Variants in RAB2B observed in about 807,000 individuals in gnomAD.
RAB2B encodes the protein RAB2B, member RAS oncogene family.
A neutral mutation model predicts 29.8 loss-of-function variants in RAB2B; 20 were observed. The observed-to-expected ratio is 0.67, with a 90% CI of 0.47 to 0.97. The LOEUF is 0.97. Among genes scored for constraint, RAB2B ranks in the 50% least tolerant of loss-of-function variants. RAB2B has a pLI of 0.00. For synonymous variants in RAB2B, 93 were observed against 91.7 expected (o/e 1.01, Z -0.08); for missense variants, 218 against 272.0 (o/e 0.80, Z 1.40).
chr14:21,468,665 C>A lies in RAB2B; in HGVS notation c.269+5G>T. ...TCTCCCTCCCATGCACCAGATCTGG[C>A]TCACCTTGTAATGTCGTACACCAGC... On this transcript the variant is annotated splice_donor_5th_base_variant and intron_variant, in intron 4 of 7. Transcript: ENST00000397762. The A allele has an allele frequency of 6.4e-7, 1 of 1,554,096 alleles. No homozygotes were observed. The highest frequency in any genetic ancestry group is 8.7e-7 in the Non-Finnish European group (1 of 1,154,892).
chr14:21,466,984 G>T (rs1890701248), intron 5 of RAB2B, among the ~76,000 whole-genome samples: 1 of 151,548 alleles, frequency 6.6e-6, no homozygotes, highest in Non-Finnish European at 1.5e-5. Flanking sequence ...TCAGCTCACT[G>T]CAACCTCCGC....
chr14:21,476,410 G>C, intron 2 of RAB2B, 118 bp downstream of exon 2: 1 of 1,098,008 alleles, frequency 9.1e-7, no homozygotes, highest in Non-Finnish European at 1.4e-6. Context: ...GTTTGGACTA[G>C]TTTAAAGTAG....
Position 21,460,586 on chromosome 14 carries a change from C to CCA in RAB2B, c.*609_*610insTG, listed in dbSNP as rs1555322039. On this transcript the variant is annotated 3_prime_UTR_variant, in exon 8 of 8. Transcript: ENST00000397762. ...GAGACAGAGTGAGACTCCATCCCCCCAAAAAAAAAAAAAAAAAAAGAAAAA... is the reference window on the plus strand; with the variant it reads ...GAGACAGAGTGAGACTCCATCCCCCCCAAAAAAAAAAAAAAAAAAAAGAAAAA... The CCA allele has an allele frequency of 8.3e-6, 1 of 119,958 alleles. No homozygotes were observed. Among genetic ancestry groups the CCA allele is most frequent in the African/African-American group, 3.4e-5 (1 of 29,850 alleles). 7.4% of individuals were successfully genotyped at this position (119,958 alleles called of 1,614,324 possible).
Position 21,465,561 on chromosome 14 carries a change from T to C in RAB2B, c.363-1794A>G, listed in dbSNP as rs149890912. 2.4e-4 allele frequency among the ~76,000 whole-genome samples: 36 copies of C among 152,352 alleles called. No homozygotes were observed. The South Asian group carries it at 5.0e-3, about 21-fold the overall frequency. ...CTACCATTCTTTCTCATGTGGACTATTGCAACTGGGATACTACTTCAGTCC... is the reference window on the plus strand; with the variant it reads ...CTACCATTCTTTCTCATGTGGACTACTGCAACTGGGATACTACTTCAGTCC... On this transcript the variant is annotated intron_variant, in intron 5 of 7. Transcript: ENST00000397762.
chr14:21,472,573 T>C (rs1890844934), intron 3 of RAB2B, among the ~76,000 whole-genome samples: 1 of 152,092 alleles, frequency 6.6e-6, no homozygotes, highest in African/African-American at 2.4e-5. Flanking sequence ...TCAAAATATA[T>C]AGAAAACCAC....
rs967715152 is a variant in RAB2B, at chr14:21,461,091, C to G, written c.*105G>C. 3.6e-6 allele frequency: 3 copies of G among 822,316 alleles called. No individual in the cohort carries two copies. In the African/African-American group the frequency reaches 5.2e-5, roughly 14 times the overall value. The allele number at this position is 822,316 out of a possible 1,614,324, so 50.9% of individuals were successfully genotyped here. A position where few individuals can be genotyped will look rare whatever the true frequency, so the allele number is the denominator to read the frequency against. On this transcript the variant is annotated 3_prime_UTR_variant, in exon 8 of 8. Transcript: ENST00000397762. ...TTAGGTGGAAAGGCAAAACATCACA[C>G]TTTAAAAAGAGGCTGCTCTCAGCCA...
intron 3 of RAB2B, among the ~76,000 whole-genome samples, chr14:21,472,354 CT>C (rs1470380054): frequency 6.6e-6 from 1 of 152,164 alleles, no homozygotes; most frequent in Non-Finnish European, 1.5e-5. Flanking sequence ...AACCTGATCT[CT>C]TTAAAATACC....
chr14:21,466,421 A>G (rs1266814467), intron 5 of RAB2B, among the ~76,000 whole-genome samples: 1 of 152,236 alleles, frequency 6.6e-6, no homozygotes, highest in Non-Finnish European at 1.5e-5. Flanking sequence ...CAGGAGGTGG[A>G]GGTTGCAGTA....
At position 21,463,144 on chromosome 14, in the gene RAB2B, A is replaced by G. The variant is rs183157581; in HGVS notation, c.474+512T>C. 9.2e-5 allele frequency among the ~76,000 whole-genome samples: 14 copies of G among 152,238 alleles called. No homozygotes were observed. In the East Asian group the frequency reaches 1.9e-3, roughly 21 times the overall value. ...TAATCCACACTTGCCAACTAATGTT[A>G]CCCAAAGCAAAAGTAAAACCTTGGG... On this transcript the variant is annotated intron_variant, in intron 6 of 7. Transcript: ENST00000397762.
At chr14:21,474,958 G>A (rs1220600204) in intron 2 of RAB2B, 24 bp from the exon 3 acceptor site, 10 of 1,606,628 alleles carry the variant, frequency 6.2e-6, no homozygotes, top group East Asian at 4.5e-5. Context: ...CCGAGAGAAA[G>A]AATGTGATTC....
rs75280461 is a variant in RAB2B, at chr14:21,467,565, T to A, written c.362+792A>T. Among the ~76,000 whole-genome samples, 319 of 152,348 alleles carry A rather than the reference T, an allele frequency of 2.1e-3. 9 individuals are homozygous for A. In the East Asian group the frequency reaches 0.048, roughly 23 times the overall value. Reference sequence around the variant, plus strand: ...ATGGGTGTCAAAAAAAATTTACTGATAATAACCAGTGTTGTTAAGGATGTA... The same window carrying A: ...ATGGGTGTCAAAAAAAATTTACTGAAAATAACCAGTGTTGTTAAGGATGTA... On this transcript the variant is annotated intron_variant, in intron 5 of 7. Coordinates refer to ENST00000397762, the MANE Select transcript of RAB2B (RefSeq NM_032846.4).
chr14:21,469,292 A>G (rs1009216972), intron 3 of RAB2B, among the ~76,000 whole-genome samples: 10 of 152,184 alleles, frequency 6.6e-5, no homozygotes, highest in African/African-American at 2.4e-4. Flanking sequence ...TCAATATAAA[A>G]ATTAGATTAA....
chr14:21,471,301 T>C lies in RAB2B; in HGVS notation c.187-2549A>G, dbSNP rs115970778. ...TTGTCTATATCAGTCTCAGGTATCCTTGGCCATCCCCAGTAAAAAAATCTG... is the reference window on the plus strand; with the variant it reads ...TTGTCTATATCAGTCTCAGGTATCCCTGGCCATCCCCAGTAAAAAAATCTG... On this transcript the variant is annotated intron_variant, in intron 3 of 7. Coordinates refer to ENST00000397762, the MANE Select transcript of RAB2B (RefSeq NM_032846.4). Among the ~76,000 whole-genome samples the C allele has an allele frequency of 4.0e-3, 612 of 151,888 alleles. 2 individuals carry two copies. Among genetic ancestry groups the C allele is most frequent in the African/African-American group, 0.014 (581 of 41,444 alleles).
rs559307220 is a variant in RAB2B, at chr14:21,459,390, G to A, written c.*1806C>T. On this transcript the variant is annotated 3_prime_UTR_variant, in exon 8 of 8. Transcript: ENST00000397762. ...TGAGTGGGGCAGAATTACAGAGAGA[G>A]GACTCTAAAGTCTTTTGTTTCCTTG... is the stretch of plus-strand genomic sequence containing the variant. The A allele has an allele frequency of 2.0e-5, 3 of 152,190 alleles. No individual in the cohort carries two copies. The highest frequency in any genetic ancestry group is 7.2e-5 in the African/African-American group (3 of 41,518). The allele number at this position is 152,190 out of a possible 1,614,324, so 9.4% of individuals were successfully genotyped here. A position where few individuals can be genotyped will look rare whatever the true frequency, so the allele number is the denominator to read the frequency against.
chr14:21,474,886 T>G lies in RAB2B; in HGVS notation c.167A>C (p.Lys56Thr). The change falls in exon 3 of 8, where the codon AAA becomes ACA. Residue 56 changes from lysine to threonine, a missense_variant. Lys to Thr is a moderately conservative substitution (Grantham distance 78). Coordinates refer to ENST00000397762, the MANE Select transcript of RAB2B (RefSeq NM_032846.4). ...RMVNIDGKQI[K>T]LQIWDTAGQE... ...TCTCACCGTATCCCAGATTTGCAGT[T>G]TGATTTGTTTTCCATCAATGTTGAC... 6.2e-7 allele frequency: 1 copy of G among 1,613,958 alleles called. No homozygotes were observed. Among genetic ancestry groups the G allele is most frequent in the Non-Finnish European group, 8.5e-7 (1 of 1,179,832 alleles).
In RAB2B at chr14:21,460,131, G is replaced by A; in HGVS notation, c.*1065C>T. On this transcript the variant is annotated 3_prime_UTR_variant, in exon 8 of 8. Transcript: ENST00000397762. ...CCTTCTACAAGAATTCTTAGGAAGT[G>A]GCAAGCAGACACCCAAAGGCAAGGA... 1 of 518,506 alleles carries A rather than the reference G, an allele frequency of 1.9e-6. No individual in the cohort carries two copies. The highest frequency in any genetic ancestry group is 1.4e-5 in the South Asian group (1 of 71,568). 32.1% of individuals were successfully genotyped at this position (518,506 alleles called of 1,614,324 possible).
At chr14:21,475,559 T>G (rs1458508916) in intron 2 of RAB2B, among the ~76,000 whole-genome samples, 1 of 151,848 alleles carries the variant, frequency 6.6e-6, no homozygotes, top group Non-Finnish European at 1.5e-5. Context: ...GCCTCCCAAG[T>G]AAGTACCTTA....
At chr14:21,469,197 TTC>T (rs1271508095) in intron 3 of RAB2B, among the ~76,000 whole-genome samples, 1 of 152,170 alleles carries the variant, frequency 6.6e-6, no homozygotes, top group Non-Finnish European at 1.5e-5. Context: ...ATATTAATCT[TTC>T]TGTTCCCATT....
At chr14:21,469,043 T>G (rs1017325021) in intron 3 of RAB2B, among the ~76,000 whole-genome samples, 1 of 148,950 alleles carries the variant, frequency 6.7e-6, no homozygotes, top group Non-Finnish European at 1.5e-5. Flanking sequence ...ACTAAATACC[T>G]GTGGCACCCC....
Sources: gnomAD v4.1 joint callset for allele counts (sites outside exome capture counted in the v4.1 genomes callset) on GRCh38, gnomAD v4.1.1 for gene constraint, MANE v1.5 for transcripts, NCBI Gene and HGNC (gene_info 2026-07-23, HGNC 2026-07-21) for gene names.